GRIA3: variants seen among roughly 807,000 people sequenced by gnomAD.
The protein encoded by GRIA3 is glutamate ionotropic receptor AMPA type subunit 3.
A neutral mutation model predicts 63.0 loss-of-function variants in GRIA3; 3 were observed. The ratio of observed to expected loss-of-function variants is 0.05; its 90% CI spans 0.02 to 0.12. The LOEUF (loss-of-function observed/expected upper bound fraction) is 0.12, where lower values mean the gene tolerates loss of function less well. Ranked by LOEUF, GRIA3 falls within the 10% of genes least tolerant of loss-of-function variation. The probability of loss-of-function intolerance (pLI) is 1.00; values close to 1 mark genes in which losing one functional copy is unlikely to be tolerated. For missense variants in GRIA3, 347 were observed against 700.9 expected (o/e 0.50, Z 5.70); for synonymous variants, 274 against 257.9 (o/e 1.06, Z -0.60).
At chrX:123,211,166 A>T (rs1357781309) in intron 2 of GRIA3, among the ~76,000 whole-genome samples, 1 of 110,889 alleles carries the variant, frequency 9.0e-6, no homozygotes, top group Non-Finnish European at 1.9e-5. Flanking sequence ...ACATAACATC[A>T]CTTAAAGACA....
At chrX:123,448,378 C>G (rs189025883) in intron 12 of GRIA3, among the ~76,000 whole-genome samples, 7 of 111,727 alleles carry the variant, frequency 6.3e-5, no homozygotes, top group African/African-American at 9.7e-5. Flanking sequence ...AACCTACCCC[C>G]CTGTCTCTCA....
intron 3 of GRIA3, among the ~76,000 whole-genome samples, chrX:123,312,181 A>G (rs1471474640): frequency 8.9e-6 from 1 of 111,896 alleles, no homozygotes; most frequent in Non-Finnish European, 1.9e-5. Flanking sequence ...GAGAGTAAAA[A>G]CATTATACAT....
At chrX:123,299,274 G>A (rs1240329729) in intron 3 of GRIA3, among the ~76,000 whole-genome samples, 5 of 111,326 alleles carry the variant, frequency 4.5e-5, no homozygotes, top group African/African-American at 1.6e-4. Flanking sequence ...GAAACTCCAT[G>A]GTAGTTTAAT....
intron 10 of GRIA3, among the ~76,000 whole-genome samples, chrX:123,408,705 G>A (rs776487982): frequency 8.9e-6 from 1 of 111,743 alleles, no homozygotes; most frequent in African/African-American, 3.2e-5. Flanking sequence ...AAAAGCAATA[G>A]CCGGGGAGGC....
chrX:123,345,494 A>ACACACC (rs2045042055), intron 4 of GRIA3, among the ~76,000 whole-genome samples: 1 of 83,700 alleles, frequency 1.2e-5, no homozygotes. Flanking sequence ...ACACACACAC[A>ACACACC]CCTCCTTCCC....
intron 12 of GRIA3, among the ~76,000 whole-genome samples, chrX:123,447,918 A>T (rs987117920): frequency 1.8e-5 from 2 of 112,220 alleles, no homozygotes; most frequent in Admixed American, 1.9e-4. Flanking sequence ...ACCTTGGGGA[A>T]TTGTGAGTGT....
At chrX:123,186,746 C>G (rs763080200) in intron 2 of GRIA3, among the ~76,000 whole-genome samples, 1 of 111,493 alleles carries the variant, frequency 9.0e-6, no homozygotes, top group East Asian at 2.8e-4. Flanking sequence ...AAAGACAACA[C>G]AGTTCTTAAT....
Position 123,342,148 on chromosome X carries a change from T to C in GRIA3, c.697-12762T>C, listed in dbSNP as rs779491015. ...GGAAAGACAGCAATGAAATTCTTGT[T>C]ATACAACATTAACTATGCCTGCCCC... On this transcript the variant is annotated intron_variant, in intron 4 of 15. Transcript: ENST00000620443. Among the ~76,000 whole-genome samples the C allele has an allele frequency of 3.6e-5, 4 of 112,417 alleles. No homozygotes were observed. The Admixed American group carries it at 3.7e-4, about 11-fold the overall frequency.
intron 3 of GRIA3, among the ~76,000 whole-genome samples, chrX:123,325,119 A>G (rs1280568562): frequency 8.9e-6 from 1 of 112,252 alleles, no homozygotes; most frequent in Admixed American, 9.4e-5. Context: ...AGTTGAAGTT[A>G]TATTCAGATA....
chrX:123,400,774 T>C (rs1033797877), intron 7 of GRIA3, among the ~76,000 whole-genome samples: 1 of 111,641 alleles, frequency 9.0e-6, no homozygotes, highest in Non-Finnish European at 1.9e-5. Context: ...AGATGAGGAG[T>C]GCACACATTT....
At chrX:123,357,629 T>C (rs1252796132) in intron 5 of GRIA3, among the ~76,000 whole-genome samples, 1 of 109,765 alleles carries the variant, frequency 9.1e-6, no homozygotes, top group Non-Finnish European at 1.9e-5. Flanking sequence ...TGACAAAAAT[T>C]AAAGTCTATG....
intron 5 of GRIA3, among the ~76,000 whole-genome samples, chrX:123,387,952 T>C (rs1489035150): frequency 8.9e-6 from 1 of 112,168 alleles, no homozygotes; most frequent in Non-Finnish European, 1.9e-5. Flanking sequence ...ATAGAATGAG[T>C]TAGGGAGAAT....
At chrX:123,325,670 A>G (rs1244121483) in intron 3 of GRIA3, among the ~76,000 whole-genome samples, 1 of 112,194 alleles carries the variant, frequency 8.9e-6, no homozygotes, top group Non-Finnish European at 1.9e-5. Flanking sequence ...GATGAAATAA[A>G]TGAGCTTCAA....
chrX:123,353,551 T>C (rs1037532321), intron 4 of GRIA3, among the ~76,000 whole-genome samples: 1 of 111,698 alleles, frequency 9.0e-6, no homozygotes, highest in Non-Finnish European at 1.9e-5. Flanking sequence ...CAATCTTTCA[T>C]GTATAGTTCT....
At chrX:123,192,047 T>C (rs1569395580) in intron 2 of GRIA3, among the ~76,000 whole-genome samples, 2 of 111,128 alleles carry the variant, frequency 1.8e-5, no homozygotes, top group Non-Finnish European at 3.8e-5. Context: ...TAGAAGACTT[T>C]TACAGGCCAA....
intron 7 of GRIA3, 108 bp downstream of exon 7, chrX:123,398,911 T>C: frequency 1.6e-6 from 1 of 608,785 alleles, no homozygotes; most frequent in Middle Eastern, 4.1e-4. Flanking sequence ...GACCAGATTA[T>C]GTAGAATCTC....
At chrX:123,421,519 G>A in intron 11 of GRIA3, among the ~76,000 whole-genome samples, 1 of 112,511 alleles carries the variant, frequency 8.9e-6, no homozygotes, top group Non-Finnish European at 1.9e-5. Context: ...GCCACAGTTG[G>A]AATGCAAACT....
intron 2 of GRIA3, among the ~76,000 whole-genome samples, chrX:123,200,547 A>C (rs984497306): frequency 3.7e-5 from 4 of 107,731 alleles, no homozygotes; most frequent in African/African-American, 1.3e-4. Context: ...TATTTTATAT[A>C]TATACATATA....
intron 4 of GRIA3, among the ~76,000 whole-genome samples, chrX:123,332,475 G>T (rs946795210): frequency 9.0e-6 from 1 of 111,133 alleles, no homozygotes; most frequent in African/African-American, 3.3e-5. Context: ...TACAAATGAG[G>T]AAATTGAGAC....
Sources: allele counts gnomAD v4.1 joint callset (sites outside exome capture counted in the v4.1 genomes callset), GRCh38; gene constraint gnomAD v4.1.1; transcripts MANE v1.5; gene names NCBI Gene and HGNC (gene_info 2026-07-23, HGNC 2026-07-21).